Variants in IKBKE observed in about 807,000 individuals in gnomAD.
IKBKE encodes inhibitor of nuclear factor kappa B kinase subunit epsilon.
A neutral mutation model predicts 92.1 loss-of-function variants in IKBKE; 45 were observed. That is an observed-to-expected ratio of 0.49 (90% CI 0.38 to 0.63). The LOEUF is 0.63. Ranked by LOEUF, IKBKE falls within the 20% of genes least tolerant of loss-of-function variation. IKBKE has a pLI of 0.00. For synonymous variants in IKBKE, 374 were observed against 380.3 expected (o/e 0.98, Z 0.19); for missense variants, 700 against 932.8 (o/e 0.75, Z 3.25).
intron 16 of IKBKE, 54 bp downstream of exon 16, chr1:206,488,044 G>C (rs41299041): frequency 7.2e-7 from 1 of 1,384,336 alleles, no homozygotes; most frequent in African/African-American, 1.4e-5. Flanking sequence ...CCCTTCTTTC[G>C]CCTTTCTTCC....
At position 206,490,727 on chromosome 1, in the gene IKBKE, GTCTTCA is replaced by G; in HGVS notation, c.1694-87_1694-82del. 7.6e-7 allele frequency: 1 copy of G among 1,323,596 alleles called. No individual in the cohort carries two copies. Among genetic ancestry groups the G allele is most frequent in the Non-Finnish European group, 1.1e-6 (1 of 918,212 alleles). The allele number at this position is 1,323,596 out of a possible 1,614,324, so 82.0% of individuals were successfully genotyped here. A position where few individuals can be genotyped will look rare whatever the true frequency, so the allele number is the denominator to read the frequency against. On this transcript the variant is annotated intron_variant, in intron 16 of 21. Coordinates refer to ENST00000581977, the MANE Select transcript of IKBKE (RefSeq NM_014002.4). The surrounding 1 kb of genome is among the most constrained non-coding windows in gnomAD (Gnocchi z 5.2). The stretch of plus-strand genomic sequence containing the variant: ...CCCGTGAAGCAGCACAGGCTGGGCC[GTCTTCA>G]TCTTTTAACTGTCTCTCGACCTTTG...
Position 206,476,416 on chromosome 1 carries a change from G to T in IKBKE, c.540+54G>T. 2.6e-6 allele frequency: 4 copies of T among 1,549,794 alleles called. No individual in the cohort carries two copies. In the Admixed American group the frequency reaches 7.0e-5, roughly 27 times the overall value. On this transcript the variant is annotated intron_variant, in intron 6 of 21. Transcript: ENST00000581977. This position sits in a 1 kb window ranked among gnomAD's most constrained non-coding sequence, Gnocchi z 5.1. ...CTATGCTGAGGGCTCCCCTTGCCTT[G>T]TGAGCCCCCCAGAGCCCCCATGAGG...
At position 206,477,876 on chromosome 1, in the gene IKBKE, T is replaced by C; in HGVS notation, c.812+17T>C. ...GCTGTCACTGTGAGTGGGACCCTGC[T>C]GGGGGGTGATGCTGGAGTCTGAGCT... On this transcript the variant is annotated intron_variant, in intron 8 of 21. Coordinates refer to ENST00000581977, the MANE Select transcript of IKBKE (RefSeq NM_014002.4). 6.8e-7 allele frequency: 1 copy of C among 1,472,158 alleles called. No homozygotes were observed. Among genetic ancestry groups the C allele is most frequent in the Non-Finnish European group, 9.3e-7 (1 of 1,075,988 alleles). 91.2% of individuals were successfully genotyped at this position (1,472,158 alleles called of 1,614,324 possible).
In IKBKE at chr1:206,496,298, CCACTGCCTTT is replaced by C; in HGVS notation, c.*155_*164del. On this transcript the variant is annotated 3_prime_UTR_variant, in exon 22 of 22. Transcript: ENST00000581977. ...GCCAGGATGTCGCCAGCATTACCTTCCACTGCCTTTCTCCCTGGGAAGCAGCACAGCTGAG... is the reference window on the plus strand; with the variant it reads ...GCCAGGATGTCGCCAGCATTACCTTCCTCCCTGGGAAGCAGCACAGCTGAG... 3.0e-6 allele frequency: 2 copies of C among 673,532 alleles called. No individual in the cohort carries two copies. Among genetic ancestry groups the C allele is most frequent in the Non-Finnish European group, 5.4e-6 (2 of 371,008 alleles). The allele number at this position is 673,532 out of a possible 1,614,324, so 41.7% of individuals were successfully genotyped here.
In IKBKE at chr1:206,490,305, A is replaced by C. The variant is rs896650460; in HGVS notation, c.1694-514A>C. On this transcript the variant is annotated intron_variant, in intron 16 of 21. Transcript: ENST00000581977. This position sits in a 1 kb window ranked among gnomAD's most constrained non-coding sequence, Gnocchi z 5.2. ...TGCATGAGCCTTAGGGCCCTTCAGG[A>C]GGCAGCCAAGGCCATGAAAGCTTCA... 6.6e-6 allele frequency among the ~76,000 whole-genome samples: 1 copy of C among 152,218 alleles called. No homozygotes were observed. Among genetic ancestry groups the C allele is most frequent in the Non-Finnish European group, 1.5e-5 (1 of 68,050 alleles).
chr1:206,492,789 G>T (rs1403076522), intron 18 of IKBKE: 2 of 646,156 alleles, frequency 3.1e-6, no homozygotes, highest in Admixed American at 4.2e-5. Context: ...TGTTGTTGGT[G>T]CTCCACACTA....
At position 206,485,106 on chromosome 1, in the gene IKBKE, A is replaced by G. The variant is rs782820417; in HGVS notation, c.1503+34A>G. On this transcript the variant is annotated intron_variant, in intron 14 of 21. Transcript: ENST00000581977. This position sits in a 1 kb window ranked among gnomAD's most constrained non-coding sequence, Gnocchi z 5.0. ...GGCTGGAGGGCAAGGGCTTAGCAGG[A>G]TCAGAGCTGGGGGCCCGTGTTCCAG... 1.2e-6 allele frequency: 2 copies of G among 1,605,758 alleles called. No individual in the cohort carries two copies. Among genetic ancestry groups the G allele is most frequent in the Non-Finnish European group, 1.7e-6 (2 of 1,172,474 alleles).
In IKBKE at chr1:206,485,668, T is replaced by C. The variant is rs2103473433; in HGVS notation, c.1616+362T>C. Among the ~76,000 whole-genome samples the C allele has an allele frequency of 6.6e-6, 1 of 152,284 alleles. No homozygotes were observed. Among genetic ancestry groups the C allele is most frequent in the East Asian group, 1.9e-4 (1 of 5,182 alleles). ...GCATCTCGTTGAATCCTGAAAACAA[T>C]AATGATGCTATGATAATGCCCTTTT... On this transcript the variant is annotated intron_variant, in intron 15 of 21. Coordinates refer to ENST00000581977, the MANE Select transcript of IKBKE (RefSeq NM_014002.4). The surrounding 1 kb of genome is among the most constrained non-coding windows in gnomAD (Gnocchi z 5.0).
At chr1:206,475,975 CA>C (rs148277312) in intron 5 of IKBKE, among the ~76,000 whole-genome samples, 305 of 152,142 alleles carry the variant, frequency 2.0e-3, no homozygotes, top group African/African-American at 7.1e-3. Context: ...CTAGAGAATC[CA>C]GATGGTACCT....
At chr1:206,486,800 C>G (rs981643563) in intron 15 of IKBKE, among the ~76,000 whole-genome samples, 27 of 151,272 alleles carry the variant, frequency 1.8e-4, no homozygotes, top group Non-Finnish European at 3.2e-4. Flanking sequence ...GATCCCAGGC[C>G]CTGTCTTTTG....
chr1:206,496,254 A>C lies in IKBKE; in HGVS notation c.*109A>C. On this transcript the variant is annotated 3_prime_UTR_variant, in exon 22 of 22. Coordinates refer to ENST00000581977, the MANE Select transcript of IKBKE (RefSeq NM_014002.4). The stretch of plus-strand genomic sequence containing the variant: ...AGATCCCATCCCATCACATCAGCCT[A>C]CCTCCCTCCTGGCTGCTGGCCAGGA... 1.1e-6 allele frequency: 1 copy of C among 879,164 alleles called. No homozygotes were observed. Among genetic ancestry groups the C allele is most frequent in the Non-Finnish European group, 1.9e-6 (1 of 524,206 alleles). 54.5% of individuals were successfully genotyped at this position (879,164 alleles called of 1,614,324 possible). A position where few individuals can be genotyped will look rare whatever the true frequency, so the allele number is the denominator to read the frequency against.
Position 206,478,137 on chromosome 1 carries a change from G to T in IKBKE, c.813-23G>T. On this transcript the variant is annotated intron_variant, in intron 8 of 21. Transcript: ENST00000581977. This position sits in a 1 kb window ranked among gnomAD's most constrained non-coding sequence, Gnocchi z 4.8. ...TAGGTCTGGGCCCCCACCCCTGACA[G>T]TCTCCATGTCCTGGGAGGGCAGGGG... 2 of 1,609,544 alleles carry T rather than the reference G, an allele frequency of 1.2e-6. No individual in the cohort carries two copies. Among genetic ancestry groups the T allele is most frequent in the Non-Finnish European group, 1.7e-6 (2 of 1,178,108 alleles).
chr1:206,485,421 G>A lies in IKBKE; in HGVS notation c.1616+115G>A. The A allele has an allele frequency of 1.5e-6, 1 of 677,048 alleles. No individual in the cohort carries two copies. The highest frequency in any genetic ancestry group is 2.7e-6 in the Non-Finnish European group (1 of 371,312). The allele number at this position is 677,048 out of a possible 1,614,324, so 41.9% of individuals were successfully genotyped here. ...TTGCATTCCCCTTTCTCTTGGCAAGGGTGCTAGGGCATGGGGGAGTAGAGG... is the reference window on the plus strand; with the variant it reads ...TTGCATTCCCCTTTCTCTTGGCAAGAGTGCTAGGGCATGGGGGAGTAGAGG... On this transcript the variant is annotated intron_variant, in intron 15 of 21. Coordinates refer to ENST00000581977, the MANE Select transcript of IKBKE (RefSeq NM_014002.4). The surrounding 1 kb of genome is among the most constrained non-coding windows in gnomAD (Gnocchi z 5.0).
Position 206,490,149 on chromosome 1 carries a change from G to A in IKBKE, c.1694-670G>A, listed in dbSNP as rs909100533. On this transcript the variant is annotated intron_variant, in intron 16 of 21. Transcript: ENST00000581977. This position sits in a 1 kb window ranked among gnomAD's most constrained non-coding sequence, Gnocchi z 5.2. ...CTGGCCGAGTGCAGGGCCCAGGAGG[G>A]GGACTCTGCTATGAGAGGAGTGGGA... Among the ~76,000 whole-genome samples the A allele has an allele frequency of 2.6e-5, 4 of 152,202 alleles. No homozygotes were observed. Among genetic ancestry groups the A allele is most frequent in the African/African-American group, 7.2e-5 (3 of 41,446 alleles).
Position 206,476,061 on chromosome 1 carries a change from G to C in IKBKE, c.359-120G>C. ...GTCCTTCTGCCTGTCCCATGGCTCTGTCAGCCCATGGGAACTCCTGTCTCT... is the reference window on the plus strand; with the variant it reads ...GTCCTTCTGCCTGTCCCATGGCTCTCTCAGCCCATGGGAACTCCTGTCTCT... On this transcript the variant is annotated intron_variant, in intron 5 of 21. Coordinates refer to ENST00000581977, the MANE Select transcript of IKBKE (RefSeq NM_014002.4). The surrounding 1 kb of genome is among the most constrained non-coding windows in gnomAD (Gnocchi z 5.1). The C allele has an allele frequency of 1.1e-6, 1 of 896,846 alleles. No homozygotes were observed. The highest frequency in any genetic ancestry group is 3.2e-4 in the Middle Eastern group (1 of 3,082). 55.6% of individuals were successfully genotyped at this position (896,846 alleles called of 1,614,324 possible). A position where few individuals can be genotyped will look rare whatever the true frequency, so the allele number is the denominator to read the frequency against.
chr1:206,496,694 A>G lies in IKBKE; in HGVS notation c.*549A>G. 4.3e-6 allele frequency: 1 copy of G among 233,358 alleles called. No homozygotes were observed. 14.5% of individuals were successfully genotyped at this position (233,358 alleles called of 1,614,324 possible). On this transcript the variant is annotated 3_prime_UTR_variant, in exon 22 of 22. Coordinates refer to ENST00000581977, the MANE Select transcript of IKBKE (RefSeq NM_014002.4). ...ACATAGAGAGCCTCCTGTTCTTTCT[A>G]TGCTTGGTCTGACTGAGCCTAAAGT... is the stretch of plus-strand genomic sequence containing the variant.
intron 7 of IKBKE, among the ~76,000 whole-genome samples, chr1:206,477,538 G>A (rs1665135592): frequency 6.6e-6 from 1 of 152,168 alleles, no homozygotes; most frequent in African/African-American, 2.4e-5. Context: ...CAGGGCAAAG[G>A]TGTCTCTACC....
At position 206,478,419 on chromosome 1, in the gene IKBKE, C is replaced by T; in HGVS notation, c.992+80C>T. 1 of 1,397,362 alleles carries T rather than the reference C, an allele frequency of 7.2e-7. No individual in the cohort carries two copies. Among genetic ancestry groups the T allele is most frequent in the Non-Finnish European group, 1.0e-6 (1 of 1,001,114 alleles). The allele number at this position is 1,397,362 out of a possible 1,614,324, so 86.6% of individuals were successfully genotyped here. A position where few individuals can be genotyped will look rare whatever the true frequency, so the allele number is the denominator to read the frequency against. On this transcript the variant is annotated intron_variant, in intron 9 of 21. Coordinates refer to ENST00000581977, the MANE Select transcript of IKBKE (RefSeq NM_014002.4). This position sits in a 1 kb window ranked among gnomAD's most constrained non-coding sequence, Gnocchi z 4.8. Reference sequence around the variant, plus strand: ...TGCATGTCCAAAGCAGCATCTCCCACAGTACGTTCTGAGGAGTGTGTACAT... The same window carrying T: ...TGCATGTCCAAAGCAGCATCTCCCATAGTACGTTCTGAGGAGTGTGTACAT...
intron 20 of IKBKE, 123 bp downstream of exon 20, chr1:206,493,501 A>G: frequency 1.4e-6 from 1 of 703,232 alleles, no homozygotes; most frequent in Non-Finnish European, 2.4e-6. Context: ...AAGATTAAAG[A>G]GACTAGCTGG....
Sources: allele counts gnomAD v4.1 joint callset (sites outside exome capture counted in the v4.1 genomes callset), GRCh38; gene constraint gnomAD v4.1.1; non-coding constraint Gnocchi (gnomAD v3.1); transcripts MANE v1.5; gene names NCBI Gene and HGNC (gene_info 2026-07-23, HGNC 2026-07-21).